Variants in CSGALNACT1 observed in about 807,000 individuals in gnomAD.
CSGALNACT1 encodes chondroitin sulfate N-acetylgalactosaminyltransferase 1.
CSGALNACT1 carries 52 observed loss-of-function variants against 51.0 expected under a neutral mutation model. The ratio of observed to expected loss-of-function variants is 1.02; its 90% CI spans 0.82 to 1.29. The LOEUF is 1.29. CSGALNACT1 is among the 50% of genes most tolerant of loss of function. The pLI is 0.00. For synonymous variants in CSGALNACT1, 341 were observed against 254.4 expected, an observed-to-expected ratio of 1.34 and a Z score of -3.24; for missense variants, 935 against 679.2, an observed-to-expected ratio of 1.38 and a Z score of -4.19.
chr8:19,482,536 T>C (rs1278049540), intron 4 of CSGALNACT1, among the ~76,000 whole-genome samples: 1 of 152,168 alleles, frequency 6.6e-6, no homozygotes, highest in Non-Finnish European at 1.5e-5. Flanking sequence ...TATTCGATGC[T>C]AATGCCCACA....
intron 3 of CSGALNACT1, chr8:19,587,846 C>T (rs888997830): frequency 6.6e-6 from 1 of 152,100 alleles, no homozygotes; most frequent in South Asian, 2.1e-4. Flanking sequence ...AATAAACTTC[C>T]AGCTATGATG....
rs568706615 is a variant in CSGALNACT1, at chr8:19,414,522, C to T, written c.1227+4134G>A. Among the ~76,000 whole-genome samples, 143 of 152,222 alleles carry T rather than the reference C, an allele frequency of 9.4e-4. No individual in the cohort carries two copies. In the South Asian group the frequency reaches 0.028, roughly 30 times the overall value. ...AAATTTAAATGTTAGTATAAAATCC[C>T]ATAGTTTCACTTAATATGAATTACT... On this transcript the variant is annotated intron_variant, in intron 8 of 9. Coordinates refer to ENST00000454498, the Ensembl canonical transcript of CSGALNACT1.
intron 3 of CSGALNACT1, among the ~76,000 whole-genome samples, chr8:19,581,615 CA>C (rs1281863250): frequency 3.3e-5 from 5 of 151,974 alleles, no homozygotes; most frequent in African/African-American, 1.2e-4. Context: ...AAAAACAAAA[CA>C]AAACAAAACA....
At chr8:19,518,046 G>C (rs1171578228) in intron 3 of CSGALNACT1, among the ~76,000 whole-genome samples, 1 of 152,136 alleles carries the variant, frequency 6.6e-6, no homozygotes, top group Non-Finnish European at 1.5e-5. Flanking sequence ...CAGGGTCTGA[G>C]GTAGCATCAC....
chr8:19,731,667 T>A (rs1472017818), intron 1 of CSGALNACT1, among the ~76,000 whole-genome samples: 1 of 152,202 alleles, frequency 6.6e-6, no homozygotes, highest in Non-Finnish European at 1.5e-5. Flanking sequence ...GGATAGAAGA[T>A]GGTTGCACAA....
At chr8:19,526,228 G>A (rs899882251) in intron 3 of CSGALNACT1, among the ~76,000 whole-genome samples, 2 of 152,162 alleles carry the variant, frequency 1.3e-5, no homozygotes, top group Non-Finnish European at 2.9e-5. Context: ...CCATTCAGGG[G>A]CTTGCATTTC....
chr8:19,463,958 T>G (rs568374562), intron 4 of CSGALNACT1, among the ~76,000 whole-genome samples: 84 of 152,258 alleles, frequency 5.5e-4, no homozygotes, highest in African/African-American at 1.8e-3. Flanking sequence ...TGCAGACCCC[T>G]CTCTGTGCCC....
chr8:19,460,855 T>G (rs1195055805), intron 4 of CSGALNACT1, among the ~76,000 whole-genome samples: 1 of 152,118 alleles, frequency 6.6e-6, no homozygotes, highest in Non-Finnish European at 1.5e-5. Flanking sequence ...ATAGCACTGG[T>G]TTTATAGCCT....
At position 19,411,521 on chromosome 8, in the gene CSGALNACT1, C is replaced by T. The variant is rs183860913; in HGVS notation, c.1228-2827G>A. Among the ~76,000 whole-genome samples the T allele has an allele frequency of 2.6e-5, 4 of 152,292 alleles. No homozygotes were observed. In the East Asian group the frequency reaches 5.8e-4, roughly 22 times the overall value. ...GGAAACAGACACGTTGCAAGATGTTCGCCAGCAAGTGGCCCAGCAAAGGCC... is the reference window on the plus strand; with the variant it reads ...GGAAACAGACACGTTGCAAGATGTTTGCCAGCAAGTGGCCCAGCAAAGGCC... On this transcript the variant is annotated intron_variant, in intron 8 of 9. Coordinates refer to ENST00000454498, the Ensembl canonical transcript of CSGALNACT1.
chr8:19,590,443 C>T (rs1489266530), intron 3 of CSGALNACT1, among the ~76,000 whole-genome samples: 2 of 152,134 alleles, frequency 1.3e-5, no homozygotes, highest in Admixed American at 1.3e-4. Context: ...AATGCAATTG[C>T]TGCACAAAAT....
At chr8:19,518,889 G>A (rs564729385) in intron 3 of CSGALNACT1, among the ~76,000 whole-genome samples, 5 of 152,238 alleles carry the variant, frequency 3.3e-5, no homozygotes, top group East Asian at 1.9e-4. Context: ...CTCCATTAGC[G>A]AAACAGGCTC....
At chr8:19,720,034 G>A (rs908865480) in intron 1 of CSGALNACT1, among the ~76,000 whole-genome samples, 1 of 152,164 alleles carries the variant, frequency 6.6e-6, no homozygotes, top group Non-Finnish European at 1.5e-5. Context: ...CTTCCTGGAA[G>A]GTGGATGTAA....
chr8:19,641,128 CTTTTT>C (rs56681695), intron 1 of CSGALNACT1, among the ~76,000 whole-genome samples: 1 of 99,976 alleles, frequency 1.0e-5, no homozygotes, highest in Non-Finnish European at 1.9e-5. Flanking sequence ...GGTGACTGGT[CTTTTT>C]TTTTTTTTTT....
chr8:19,605,857 T>C (rs2051298316), upstream of CSGALNACT1, among the ~76,000 whole-genome samples: 1 of 152,218 alleles, frequency 6.6e-6, no homozygotes, highest in Non-Finnish European at 1.5e-5. Context: ...CAATTAAAAA[T>C]GGTGAAAATG....
intron 3 of CSGALNACT1, among the ~76,000 whole-genome samples, chr8:19,553,866 G>A (rs894489445): frequency 6.6e-6 from 1 of 150,722 alleles, no homozygotes; most frequent in East Asian, 2.0e-4. Flanking sequence ...AGAATGTCAT[G>A]AGGAAAATAA....
At chr8:19,678,962 G>A (rs1393078950) in intron 1 of CSGALNACT1, 1 of 152,080 alleles carries the variant, frequency 6.6e-6, no homozygotes, top group Non-Finnish European at 1.5e-5. Context: ...TGTCTCCTCT[G>A]GTATCACTTA....
chr8:19,469,420 G>T (rs1586705803), intron 4 of CSGALNACT1, among the ~76,000 whole-genome samples: 1 of 152,022 alleles, frequency 6.6e-6, no homozygotes, highest in Non-Finnish European at 1.5e-5. Flanking sequence ...AAAGAAAAAA[G>T]AAATAGCCCT....
At chr8:19,612,529 G>A (rs976951546) in intron 1 of CSGALNACT1, among the ~76,000 whole-genome samples, 12 of 151,978 alleles carry the variant, frequency 7.9e-5, no homozygotes, top group African/African-American at 2.9e-4. Context: ...GAAAAAGGAG[G>A]AGGGTCCCGC....
At chr8:19,631,513 T>G (rs1010780125) in intron 1 of CSGALNACT1, among the ~76,000 whole-genome samples, 2 of 152,242 alleles carry the variant, frequency 1.3e-5, no homozygotes, top group Admixed American at 1.3e-4. Flanking sequence ...ATTGTCATTT[T>G]CAGAAACTTC....
Sources: allele counts gnomAD v4.1 joint callset (sites outside exome capture counted in the v4.1 genomes callset), GRCh38; gene constraint gnomAD v4.1.1; transcripts MANE v1.5; gene names NCBI Gene and HGNC (gene_info 2026-07-23, HGNC 2026-07-21).